The following SLC9B2 variants were observed in gnomAD, a reference collection of about 807,000 sequenced individuals.
SLC9B2 encodes solute carrier family 9 member B2.
Under a neutral mutation model 52.2 loss-of-function variants are expected in SLC9B2, and 39 were observed. The observed-to-expected ratio is 0.75, with a 90% CI of 0.58 to 0.98. The LOEUF (loss-of-function observed/expected upper bound fraction) is 0.98, where lower values mean the gene tolerates loss of function less well. SLC9B2 is among the 50% of genes least tolerant of loss of function. The pLI is 0.00. For missense variants in SLC9B2, 626 were observed against 637.5 expected, an observed-to-expected ratio of 0.98 and a Z score of 0.19; for synonymous variants, 214 against 227.0, an observed-to-expected ratio of 0.94 and a Z score of 0.51.
rs1180803840 is a variant in SLC9B2, at chr4:103,076,308, G to C, written c.-167C>G. 6.6e-6 allele frequency: 1 copy of C among 152,404 alleles called. No homozygotes were observed. The highest frequency in any genetic ancestry group is 1.5e-5 in the Non-Finnish European group (1 of 68,142). 9.4% of individuals were successfully genotyped at this position (152,404 alleles called of 1,614,324 possible). ...GTTCCCGATTCGCGCATCTTCCCAG[G>C]CTGAGCCGGGAGGCTGCGTTGACTG... is the stretch of plus-strand genomic sequence containing the variant. On this transcript the variant is annotated 5_prime_UTR_variant, in exon 1 of 12. Transcript: ENST00000394785.
At chr4:103,075,939 C>G (rs1262736781) in intron 1 of SLC9B2, among the ~76,000 whole-genome samples, 1 of 152,168 alleles carries the variant, frequency 6.6e-6, no homozygotes, top group Non-Finnish European at 1.5e-5. Flanking sequence ...TTCTTAGCAC[C>G]TCGAGGATGC....
At chr4:103,026,649 G>C (rs1742244991) in intron 11 of SLC9B2, 58 bp from the exon 12 acceptor site, 1 of 1,509,040 alleles carries the variant, frequency 6.6e-7, no homozygotes, top group Non-Finnish European at 8.9e-7. Flanking sequence ...TATAAAAAAA[G>C]TGAGTTTTTT....
intron 9 of SLC9B2, chr4:103,042,236 A>G (rs1010807895): frequency 1.3e-5 from 2 of 152,062 alleles, no homozygotes; most frequent in African/African-American, 4.8e-5. Context: ...ATATGGCATT[A>G]TTTTAATTAT....
At chr4:103,018,198 C>T (rs566464839), downstream of SLC9B2, among the ~76,000 whole-genome samples, 10 of 152,238 alleles carry the variant, frequency 6.6e-5, no homozygotes, top group East Asian at 5.8e-4. Flanking sequence ...ACTATAAAAA[C>T]GATACTTTAT....
At chr4:103,075,559 C>T (rs1219982799) in intron 1 of SLC9B2, among the ~76,000 whole-genome samples, 1 of 152,186 alleles carries the variant, frequency 6.6e-6, no homozygotes, top group Non-Finnish European at 1.5e-5. Flanking sequence ...CATTTCCAGT[C>T]TCCCTTGCAG....
At chr4:103,050,177 A>T in intron 5 of SLC9B2, 63 bp downstream of exon 5, 1 of 1,399,708 alleles carries the variant, frequency 7.1e-7, no homozygotes, top group Non-Finnish European at 9.5e-7. Flanking sequence ...TGATTCTGTT[A>T]GATACCTGAA....
intron 10 of SLC9B2, among the ~76,000 whole-genome samples, chr4:103,029,154 A>C (rs1742478284): frequency 6.6e-6 from 1 of 152,168 alleles, no homozygotes; most frequent in Admixed American, 6.6e-5. Flanking sequence ...TATATGTCTT[A>C]TGCTTTATAG....
intron 9 of SLC9B2, among the ~76,000 whole-genome samples, chr4:103,037,455 AAAG>A (rs1361783243): frequency 1.3e-5 from 2 of 152,222 alleles, no homozygotes; most frequent in Non-Finnish European, 2.9e-5. Context: ...GCAGTTTGAC[AAAG>A]AAGGATTACA....
chr4:103,049,043 C>G, intron 5 of SLC9B2, 23 bp from the exon 6 acceptor site: 1 of 1,610,224 alleles, frequency 6.2e-7, no homozygotes, highest in East Asian at 2.2e-5. Context: ...AGTAGACATC[C>G]TAATATAATC....
chr4:103,076,279 T>C lies in SLC9B2; in HGVS notation c.-138A>G, dbSNP rs1299293195. ...GGAGCCCGGTCTAGCCACCGCGCTC[T>C]GGGGTTCCCGATTCGCGCATCTTCC... On this transcript the variant is annotated 5_prime_UTR_variant, in exon 1 of 12. Coordinates refer to ENST00000394785, the MANE Select transcript of SLC9B2 (RefSeq NM_178833.7). 9 of 152,438 alleles carry C rather than the reference T, an allele frequency of 5.9e-5. No individual in the cohort carries two copies. The highest frequency in any genetic ancestry group is 1.5e-5 in the Non-Finnish European group (1 of 68,194). 9.4% of individuals were successfully genotyped at this position (152,438 alleles called of 1,614,324 possible).
At chr4:103,037,914 G>A (rs1743314816) in intron 9 of SLC9B2, among the ~76,000 whole-genome samples, 1 of 150,736 alleles carries the variant, frequency 6.6e-6, no homozygotes, top group African/African-American at 2.4e-5. Flanking sequence ...AGGCTAGAGT[G>A]CAGTGGTGTG....
rs1742065248 is a variant in SLC9B2 at position 103,024,813 on chromosome 4, G to C, written c.*1557C>G. Among the ~76,000 whole-genome samples the C allele has an allele frequency of 6.6e-6, 1 of 152,190 alleles. No homozygotes were observed. The highest frequency in any genetic ancestry group is 1.5e-5 in the Non-Finnish European group (1 of 68,034). On this transcript the variant is annotated 3_prime_UTR_variant, in exon 12 of 12. Transcript: ENST00000394785. ...TGACCTAGAGTGAAGAGGAACTTAT[G>C]AGTGATACACAAAAGCAGAGATGGC...
intron 1 of SLC9B2, among the ~76,000 whole-genome samples, chr4:103,073,831 C>T (rs750421301): frequency 1.3e-5 from 2 of 152,082 alleles, no homozygotes; most frequent in Non-Finnish European, 2.9e-5. Context: ...CTACAGAGAC[C>T]GAATCTACCC....
intron 10 of SLC9B2, among the ~76,000 whole-genome samples, chr4:103,030,025 A>G (rs1254936129): frequency 3.9e-5 from 6 of 152,290 alleles, no homozygotes; most frequent in Middle Eastern, 3.4e-3. Context: ...AAAGTATTCA[A>G]AAATATCTGT....
At chr4:103,027,022 G>GT (rs1167995593) in intron 11 of SLC9B2, among the ~76,000 whole-genome samples, 1 of 152,088 alleles carries the variant, frequency 6.6e-6, no homozygotes, top group African/African-American at 2.4e-5. Flanking sequence ...GATTACAGGT[G>GT]TAAGTCACTG....
intron 9 of SLC9B2, among the ~76,000 whole-genome samples, chr4:103,038,185 AT>A (rs1177547476): frequency 2.0e-5 from 3 of 152,156 alleles, no homozygotes; most frequent in Admixed American, 6.6e-5. Context: ...GTTGATACTC[AT>A]TGTAGTAAAG....
chr4:103,049,088 C>T, intron 5 of SLC9B2, 68 bp from the exon 6 acceptor site: 1 of 1,565,242 alleles, frequency 6.4e-7, no homozygotes, highest in South Asian at 1.2e-5. Flanking sequence ...ACCTTGAATG[C>T]TTTCTCTTCA....
intron 3 of SLC9B2, among the ~76,000 whole-genome samples, chr4:103,064,814 TG>T (rs1745969583): frequency 6.6e-6 from 1 of 152,222 alleles, no homozygotes; most frequent in Non-Finnish European, 1.5e-5. Context: ...TGGATGTTTA[TG>T]TTTTTGAACA....
At chr4:103,038,022 C>T (rs1208391808) in intron 9 of SLC9B2, among the ~76,000 whole-genome samples, 5 of 151,834 alleles carry the variant, frequency 3.3e-5, no homozygotes, top group African/African-American at 9.7e-5. Flanking sequence ...CCACCACACC[C>T]GGGGAAGTTT....
Sources: allele counts gnomAD v4.1 joint callset (sites outside exome capture counted in the v4.1 genomes callset), GRCh38; gene constraint gnomAD v4.1.1; transcripts MANE v1.5; gene names NCBI Gene and HGNC (gene_info 2026-07-23, HGNC 2026-07-21).